KY: variants seen among roughly 807,000 people sequenced by gnomAD.
KY encodes kyphoscoliosis peptidase.
KY carries 43 observed loss-of-function variants against 76.1 expected under a neutral mutation model. The ratio of observed to expected loss-of-function variants is 0.57; its 90% CI spans 0.44 to 0.73. KY has a LOEUF of 0.73. Among genes scored for constraint, KY ranks in the 30% least tolerant of loss-of-function variants. The pLI, the probability that KY is intolerant of heterozygous loss-of-function variation, is 0.00. For missense variants in KY, 722 were observed against 828.9 expected (o/e 0.87, Z 1.58); for synonymous variants, 277 against 326.2 (o/e 0.85, Z 1.63).
chr3:134,610,046 C>A, intron 9 of KY, 149 bp downstream of exon 9: 2 of 821,866 alleles, frequency 2.4e-6, no homozygotes, highest in South Asian at 3.6e-5. Flanking sequence ...TGGAGCCAGC[C>A]CACTTCAGAG....
chr3:134,609,429 C>T (rs955916509), intron 9 of KY, among the ~76,000 whole-genome samples: 5 of 152,106 alleles, frequency 3.3e-5, no homozygotes, highest in African/African-American at 4.8e-5. Flanking sequence ...TGTGAGTACG[C>T]GAGCCCTGCG....
At chr3:134,644,703 C>T (rs556224158) in intron 2 of KY, among the ~76,000 whole-genome samples, 21 of 152,326 alleles carry the variant, frequency 1.4e-4, no homozygotes, top group African/African-American at 4.1e-4. Context: ...GCAGATCAGC[C>T]GCTCAGTGGT....
chr3:134,621,257 C>T (rs551895768), intron 6 of KY, among the ~76,000 whole-genome samples: 34 of 152,240 alleles, frequency 2.2e-4, no homozygotes, highest in African/African-American at 8.2e-4. Flanking sequence ...GGGCTCCAAG[C>T]AGCCAAAACA....
At chr3:134,627,080 G>A (rs1963554131) in intron 5 of KY, among the ~76,000 whole-genome samples, 1 of 152,106 alleles carries the variant, frequency 6.6e-6, no homozygotes, top group Non-Finnish European at 1.5e-5. Context: ...CCTATTACTA[G>A]TTTTCCCCTT....
rs560139723 is a variant in KY, at chr3:134,650,292, T to A, written c.136+533A>T. ...TCCAAACCTGCGTTCCTTTTACGCC[T>A]TTCATGCCTTCCATCTATAGGAGGC... On this transcript the variant is annotated intron_variant, in intron 1 of 10. Transcript: ENST00000423778. Among the ~76,000 whole-genome samples the A allele has an allele frequency of 2.0e-5, 3 of 152,334 alleles. No individual in the cohort carries two copies. In the East Asian group the frequency reaches 5.8e-4, roughly 29 times the overall value.
chr3:134,647,873 G>A (rs559310745), intron 1 of KY, among the ~76,000 whole-genome samples: 1 of 152,300 alleles, frequency 6.6e-6, no homozygotes, highest in Non-Finnish European at 1.5e-5. Context: ...CCCACTTTTA[G>A]AGTCTTGATA....
chr3:134,633,540 A>G (rs1260116705), intron 3 of KY, among the ~76,000 whole-genome samples: 1 of 152,148 alleles, frequency 6.6e-6, no homozygotes, highest in African/African-American at 2.4e-5. Context: ...AATGCATTTG[A>G]CAAAATTTAA....
intron 10 of KY, chr3:134,607,840 C>T (rs964387289): frequency 7.1e-6 from 7 of 987,952 alleles, no homozygotes; most frequent in Admixed American, 6.0e-5. Context: ...CGGCTGGGTC[C>T]CGCCTCCAGA....
chr3:134,645,737 T>G (rs896027505), intron 2 of KY, among the ~76,000 whole-genome samples: 1 of 152,226 alleles, frequency 6.6e-6, no homozygotes, highest in Non-Finnish European at 1.5e-5. Context: ...CCAGTTCTCA[T>G]GGTGGTTTTG....
intron 9 of KY, among the ~76,000 whole-genome samples, chr3:134,609,108 C>T (rs1460291927): frequency 6.6e-6 from 1 of 152,216 alleles, no homozygotes; most frequent in African/African-American, 2.4e-5. Context: ...CTGACTGCCT[C>T]ATGCTCAAAG....
intron 3 of KY, among the ~76,000 whole-genome samples, chr3:134,633,028 C>G (rs1964435520): frequency 1.3e-5 from 2 of 151,984 alleles, no homozygotes; most frequent in Non-Finnish European, 2.9e-5. Flanking sequence ...TGGGCCAATT[C>G]CTTAAAAGTC....
intron 3 of KY, among the ~76,000 whole-genome samples, chr3:134,636,550 A>G (rs1964997041): frequency 6.6e-6 from 1 of 152,234 alleles, no homozygotes; most frequent in Admixed American, 6.5e-5. Context: ...ATAGCCTCTC[A>G]GGTGAGGCTA....
At chr3:134,611,053 T>A (rs1006586017) in intron 8 of KY, among the ~76,000 whole-genome samples, 2 of 152,174 alleles carry the variant, frequency 1.3e-5, no homozygotes, top group Non-Finnish European at 2.9e-5. Flanking sequence ...GGTGGGTCTG[T>A]CCTTTGTGAA....
Position 134,610,391 on chromosome 3 carries a change from C to T in KY, c.711-8G>A. 6.2e-7 allele frequency: 1 copy of T among 1,608,236 alleles called. No individual in the cohort carries two copies. Among genetic ancestry groups the T allele is most frequent in the Non-Finnish European group, 8.5e-7 (1 of 1,177,050 alleles). On this transcript the variant is annotated splice_region_variant and splice_polypyrimidine_tract_variant and intron_variant, in intron 8 of 10. Transcript: ENST00000423778. ...CACTGCACTCCGGCGAGCCTGGGGG[C>T]AGGACAGGGGGTCTGAGAGGGGGAT... is the stretch of plus-strand genomic sequence containing the variant.
intron 6 of KY, among the ~76,000 whole-genome samples, chr3:134,622,191 T>C (rs993338206): frequency 1.3e-5 from 2 of 152,166 alleles, no homozygotes; most frequent in Non-Finnish European, 2.9e-5. Context: ...TATCATATGA[T>C]CTAGCAATTT....
intron 10 of KY, chr3:134,607,723 G>A: frequency 2.0e-6 from 2 of 985,864 alleles, no homozygotes; most frequent in South Asian, 4.7e-5. Context: ...ATACTCAGCT[G>A]CCATGGCTCC....
At chr3:134,627,735 C>G (rs1296484935) in intron 5 of KY, 21 bp downstream of exon 5, 1 of 1,611,382 alleles carries the variant, frequency 6.2e-7, no homozygotes, top group Admixed American at 1.7e-5. Flanking sequence ...GAGAATTGTC[C>G]TGGAAGACTC....
intron 4 of KY, 25 bp downstream of exon 4, chr3:134,629,596 C>A (rs1175283606): frequency 6.4e-7 from 1 of 1,571,478 alleles, no homozygotes; most frequent in Admixed American, 1.8e-5. Flanking sequence ...CAGCCCTCCA[C>A]CATGAGTACC....
At chr3:134,605,351 C>T (rs1035360134) in intron 10 of KY, among the ~76,000 whole-genome samples, 9 of 152,166 alleles carry the variant, frequency 5.9e-5, no homozygotes, top group Non-Finnish European at 1.2e-4. Context: ...TCCCCAGCCC[C>T]GTTCACAGTT....
Sources: gnomAD v4.1 joint callset for allele counts (sites outside exome capture counted in the v4.1 genomes callset) on GRCh38, gnomAD v4.1.1 for gene constraint, MANE v1.5 for transcripts, NCBI Gene and HGNC (gene_info 2026-07-23, HGNC 2026-07-21) for gene names.